NIBAN1: variants seen among roughly 807,000 people sequenced by gnomAD.
The protein encoded by NIBAN1 is niban apoptosis regulator 1.
A neutral mutation model predicts 75.1 loss-of-function variants in NIBAN1; 81 were observed. The observed-to-expected ratio is 1.08, with a 90% CI of 0.90 to 1.30. The LOEUF (loss-of-function observed/expected upper bound fraction) is 1.30. Ranked by LOEUF, NIBAN1 falls within the 50% of genes most tolerant of loss-of-function variation. The pLI is 0.00. For synonymous variants in NIBAN1, 436 were observed against 424.8 expected (o/e 1.03, Z -0.32); for missense variants, 1,133 against 1,128.1 (o/e 1.00, Z -0.06).
intron 1 of NIBAN1, among the ~76,000 whole-genome samples, chr1:184,900,504 T>C (rs1656925206): frequency 6.6e-6 from 1 of 152,150 alleles, no homozygotes; most frequent in Non-Finnish European, 1.5e-5. Flanking sequence ...GAAACTGCAA[T>C]ATATTAAATA....
chr1:184,885,968 C>G (rs140428193), intron 4 of NIBAN1, among the ~76,000 whole-genome samples: 5 of 152,150 alleles, frequency 3.3e-5, no homozygotes, highest in African/African-American at 1.2e-4. Context: ...CGCTAAGCAT[C>G]GGTGCCTGCC....
At chr1:184,895,813 T>G (rs980773044) in intron 2 of NIBAN1, among the ~76,000 whole-genome samples, 3 of 152,206 alleles carry the variant, frequency 2.0e-5, no homozygotes, top group Non-Finnish European at 4.4e-5. Context: ...ACATGTGGTA[T>G]TTGATTTTCT....
At chr1:184,915,590 T>C (rs1476200479) in intron 1 of NIBAN1, among the ~76,000 whole-genome samples, 2 of 152,168 alleles carry the variant, frequency 1.3e-5, no homozygotes, top group Non-Finnish European at 1.5e-5. Flanking sequence ...AATAGAATAA[T>C]ATATAAGGTA....
intron 1 of NIBAN1, among the ~76,000 whole-genome samples, chr1:184,941,886 A>C (rs1658097771): frequency 6.6e-6 from 1 of 152,200 alleles, no homozygotes; most frequent in African/African-American, 2.4e-5. Flanking sequence ...ACCGGGGTTC[A>C]GTAGCAGATC....
At chr1:184,821,798 G>A (rs533220544) in intron 8 of NIBAN1, among the ~76,000 whole-genome samples, 2 of 152,270 alleles carry the variant, frequency 1.3e-5, no homozygotes, top group South Asian at 2.1e-4. Flanking sequence ...ACAGATAGTA[G>A]AAAACATCAA....
At chr1:184,810,092 A>G (rs1002836241) in intron 9 of NIBAN1, among the ~76,000 whole-genome samples, 1 of 152,030 alleles carries the variant, frequency 6.6e-6, no homozygotes, top group African/African-American at 2.4e-5. Flanking sequence ...GCAATAAGAA[A>G]CCCCAAAACA....
rs116511923 is a variant in NIBAN1, at chr1:184,892,187, A to T, written c.318+1888T>A. 4.9e-3 allele frequency among the ~76,000 whole-genome samples: 739 copies of T among 152,322 alleles called. 4 individuals carry two copies. Among genetic ancestry groups the T allele is most frequent in the African/African-American group, 0.017 (707 of 41,576 alleles). ...TAGTAATCATACCAGCAACTGCTCC[A>T]CACCCAGCTCTAGCTTTACCACAGG... On this transcript the variant is annotated intron_variant, in intron 3 of 13. Coordinates refer to ENST00000367511, the MANE Select transcript of NIBAN1 (RefSeq NM_052966.4).
At chr1:184,953,831 C>T (rs954895037) in intron 1 of NIBAN1, among the ~76,000 whole-genome samples, 1 of 152,168 alleles carries the variant, frequency 6.6e-6, no homozygotes, top group African/African-American at 2.4e-5. Flanking sequence ...GGAGACATAT[C>T]TTATGGCTTC....
At chr1:184,867,818 T>G in intron 5 of NIBAN1, 1 of 979,174 alleles carries the variant, frequency 1.0e-6, no homozygotes, top group Non-Finnish European at 1.2e-6. Flanking sequence ...CGGTTTGTTT[T>G]GCCCCCAGCA....
intron 1 of NIBAN1, among the ~76,000 whole-genome samples, chr1:184,952,686 A>G (rs1043988595): frequency 2.6e-5 from 4 of 152,234 alleles, no homozygotes; most frequent in African/African-American, 7.2e-5. Context: ...TGGATTGCAC[A>G]AGCTTGGACT....
chr1:184,877,472 T>A (rs1250210197), intron 5 of NIBAN1, among the ~76,000 whole-genome samples: 1 of 152,134 alleles, frequency 6.6e-6, no homozygotes, highest in Non-Finnish European at 1.5e-5. Flanking sequence ...ATCTACTCAA[T>A]ATTTAATTTT....
At chr1:184,971,715 A>G (rs1309983524) in intron 1 of NIBAN1, among the ~76,000 whole-genome samples, 1 of 152,160 alleles carries the variant, frequency 6.6e-6, no homozygotes, top group Non-Finnish European at 1.5e-5. Flanking sequence ...ATCACTTAAG[A>G]CTAACATATG....
In NIBAN1 at chr1:184,884,724, G is replaced by C. The variant is rs1322249231; in HGVS notation, c.510C>G (p.Phe170Leu). The stretch of plus-strand genomic sequence containing the variant: ...GGAAGCAGAAGTAGCCGTGTCTGAA[G>C]AAGGGCTGCCACAGGTACACTGGGA... ...KEFPVYLWQP[F>L]FRHGYFCFHE... is the part of the protein sequence containing the mutation. Residue 170 changes from phenylalanine to leucine, a missense_variant, in exon 5 of 14, where the codon TTC becomes TTG. Transcript: ENST00000367511. 2 of 1,614,118 alleles carry C rather than the reference G, an allele frequency of 1.2e-6. No homozygotes were observed. The highest frequency in any genetic ancestry group is 3.3e-5 in the Admixed American group (2 of 60,012).
rs369869274 is a variant in NIBAN1, at chr1:184,798,098, C to T, written c.1647G>A (p.Leu549=). 4.5e-5 allele frequency: 73 copies of T among 1,609,810 alleles called. No homozygotes were observed. Among genetic ancestry groups the T allele is most frequent in the Non-Finnish European group, 5.9e-5 (69 of 1,176,956 alleles). ...NVYEEILHQI[L]LDETLKVIKE... ...TCTTACCTTTCAGAGTTTCATCAAG[C>T]AGGATCTGATGTAAAATCTCCTCAT... The change falls in exon 13 of 14, where the codon CTG becomes CTA. Residue 549 remains leucine (L), a synonymous_variant. Coordinates refer to ENST00000367511, the MANE Select transcript of NIBAN1 (RefSeq NM_052966.4).
intron 1 of NIBAN1, among the ~76,000 whole-genome samples, chr1:184,910,071 G>A (rs1348387809): frequency 6.6e-6 from 1 of 152,112 alleles, no homozygotes; most frequent in Middle Eastern, 3.2e-3. Flanking sequence ...TCCATAAGGT[G>A]AGTTCACCTA....
In NIBAN1 at chr1:184,825,811, A is replaced by G. The variant is rs142696334; in HGVS notation, c.718-2069T>C. Among the ~76,000 whole-genome samples, 815 of 152,342 alleles carry G rather than the reference A, an allele frequency of 5.3e-3. 4 individuals are homozygous for G. Among genetic ancestry groups the G allele is most frequent in the Middle Eastern group, 0.014 (4 of 294 alleles). On this transcript the variant is annotated intron_variant, in intron 6 of 13. Coordinates refer to ENST00000367511, the MANE Select transcript of NIBAN1 (RefSeq NM_052966.4). The stretch of plus-strand genomic sequence containing the variant: ...ATAGGCTGCACACTAAGATTTACAA[A>G]AGGGGAAGCACAGTTTTAGGAAGGG...
intron 3 of NIBAN1, among the ~76,000 whole-genome samples, chr1:184,891,973 A>G (rs1202406375): frequency 6.6e-6 from 1 of 152,240 alleles, no homozygotes; most frequent in Non-Finnish European, 1.5e-5. Flanking sequence ...GGTTCAGTTA[A>G]AAACGATGAA....
chr1:184,797,019 G>A (rs16823480), intron 13 of NIBAN1, among the ~76,000 whole-genome samples: 13,036 of 152,138 alleles, frequency 0.086, 1,784 homozygotes, highest in African/African-American at 0.29. Context: ...TAGCTACTAG[G>A]ACCTTGGGCT....
chr1:184,903,727 T>C (rs1460904943), intron 1 of NIBAN1, among the ~76,000 whole-genome samples: 5 of 141,546 alleles, frequency 3.5e-5, no homozygotes, highest in African/African-American at 1.0e-4. Context: ...CATGAGCCGA[T>C]TAAACCTTTT....
Sources: gnomAD v4.1 joint callset for allele counts (sites outside exome capture counted in the v4.1 genomes callset) on GRCh38, gnomAD v4.1.1 for gene constraint, MANE v1.5 for transcripts, NCBI Gene and HGNC (gene_info 2026-07-23, HGNC 2026-07-21) for gene names.